TMEM132D: variants seen among roughly 807,000 people sequenced by gnomAD.
TMEM132D encodes transmembrane protein 132D, also known as mature OL transmembrane protein.
A neutral mutation model predicts 62.3 loss-of-function variants in TMEM132D; 21 were observed. That is an observed-to-expected ratio of 0.34 (90% CI 0.24 to 0.49). The LOEUF is 0.49. TMEM132D is among the 20% of genes least tolerant of loss of function. The pLI is 0.99. For synonymous variants in TMEM132D, 621 were observed against 575.6 expected (o/e 1.08, Z -1.13); for missense variants, 1,346 against 1,402.8 (o/e 0.96, Z 0.65).
intron 2 of TMEM132D, among the ~76,000 whole-genome samples, chr12:129,689,730 T>C (rs991407002): frequency 6.6e-6 from 1 of 152,232 alleles, no homozygotes; most frequent in Non-Finnish European, 1.5e-5. Flanking sequence ...TTCTCATTTT[T>C]CTTAAAACTG....
intron 2 of TMEM132D, among the ~76,000 whole-genome samples, chr12:129,556,402 T>A (rs1467756153): frequency 6.6e-6 from 1 of 151,742 alleles, no homozygotes; most frequent in African/African-American, 2.4e-5. Flanking sequence ...TGAGCGCAAA[T>A]CCTAGCATGT....
Position 129,323,016 on chromosome 12 carries a change from G to A in TMEM132D, c.1299+14618C>T, listed in dbSNP as rs576237735. Among the ~76,000 whole-genome samples the A allele has an allele frequency of 1.4e-3, 217 of 152,284 alleles. 1 individual carries two copies. The highest frequency in any genetic ancestry group is 3.1e-3 in the Admixed American group (47 of 15,298). On this transcript the variant is annotated intron_variant, in intron 4 of 8. Transcript: ENST00000422113. ...AAAATTGTCAGGAAAATAGATCTGC[G>A]TGGAACCATACAGTGCAGTTTAAGT...
At chr12:129,265,878 T>TTGGGA (rs559171782) in intron 4 of TMEM132D, among the ~76,000 whole-genome samples, 99 of 152,168 alleles carry the variant, frequency 6.5e-4, no homozygotes, top group African/African-American at 2.3e-3. Context: ...CTCTTCTACT[T>TTGGGA]TGTAGCACAC....
At chr12:129,629,662 C>T (rs902369875) in intron 2 of TMEM132D, among the ~76,000 whole-genome samples, 5 of 138,076 alleles carry the variant, frequency 3.6e-5, no homozygotes, top group African/African-American at 1.4e-4. Flanking sequence ...CAGTTAATGC[C>T]TAATAATAAA....
chr12:129,263,827 G>C (rs1244972055), intron 4 of TMEM132D, among the ~76,000 whole-genome samples: 1 of 152,136 alleles, frequency 6.6e-6, no homozygotes, highest in East Asian at 1.9e-4. Flanking sequence ...AGAATGGAAA[G>C]GAAGTGTCTG....
chr12:129,737,547 C>T (rs536679828), intron 1 of TMEM132D, among the ~76,000 whole-genome samples: 2 of 152,218 alleles, frequency 1.3e-5, no homozygotes, highest in African/African-American at 4.8e-5. Flanking sequence ...CCTCTCATTT[C>T]CTACCGTCCA....
intron 3 of TMEM132D, among the ~76,000 whole-genome samples, chr12:129,505,940 G>A (rs1373924641): frequency 6.6e-6 from 1 of 152,180 alleles, no homozygotes; most frequent in Non-Finnish European, 1.5e-5. Context: ...GTCTCTTGAA[G>A]GCAGCAGATA....
At chr12:129,344,996 G>A (rs1014531079) in intron 3 of TMEM132D, among the ~76,000 whole-genome samples, 1 of 152,082 alleles carries the variant, frequency 6.6e-6, no homozygotes, top group African/African-American at 2.4e-5. Context: ...ATGGAAATCA[G>A]GGGACTCTTC....
chr12:129,074,222 C>A lies in TMEM132D; in HGVS notation c.2953G>T (p.Asp985Tyr), dbSNP rs2135602231. 6.2e-7 allele frequency: 1 copy of A among 1,614,080 alleles called. No individual in the cohort carries two copies. The highest frequency in any genetic ancestry group is 8.5e-7 in the Non-Finnish European group (1 of 1,180,028). The change falls in exon 9 of 9, where the codon GAT becomes TAT. Residue 985 changes from aspartate (D) to tyrosine (Y), a missense_variant. By Grantham distance (160) the Asp-to-Tyr change is radical (BLOSUM62 -3). Coordinates refer to ENST00000422113, the MANE Select transcript of TMEM132D (RefSeq NM_133448.3). Reference protein sequence around the residue: ...ENHINFASSQDEQITAIDRGM... With the variant: ...ENHINFASSQYEQITAIDRGM... ...CTGTCAATGGCAGTGATTTGCTCAT[C>A]TTGCGAGGAGGCAAAGTTGATGTGA...
intron 3 of TMEM132D, among the ~76,000 whole-genome samples, chr12:129,510,846 C>T (rs1875475602): frequency 6.6e-6 from 1 of 152,120 alleles, no homozygotes; most frequent in South Asian, 2.1e-4. Flanking sequence ...TTGTCAAAAA[C>T]GAGTTCACTG....
At chr12:129,301,041 G>A (rs758950398) in intron 4 of TMEM132D, among the ~76,000 whole-genome samples, 13 of 151,964 alleles carry the variant, frequency 8.6e-5, no homozygotes, top group Admixed American at 5.2e-4. Context: ...CTCTAGCCAC[G>A]ACTCCAAATA....
chr12:129,709,670 A>C (rs571589740), intron 1 of TMEM132D, among the ~76,000 whole-genome samples: 2 of 152,302 alleles, frequency 1.3e-5, no homozygotes, highest in East Asian at 3.9e-4. Context: ...CCTTTAATGC[A>C]TGTTTTTTTG....
chr12:129,774,505 T>C (rs1870856874), intron 1 of TMEM132D, among the ~76,000 whole-genome samples: 2 of 152,252 alleles, frequency 1.3e-5, no homozygotes, highest in Non-Finnish European at 2.9e-5. Flanking sequence ...GGGGGGCCCG[T>C]TGCAATCACG....
chr12:129,763,026 G>T lies in TMEM132D; in HGVS notation c.80-62328C>A, dbSNP rs117093680. 6.6e-5 allele frequency among the ~76,000 whole-genome samples: 10 copies of T among 152,240 alleles called. No homozygotes were observed. In the South Asian group the frequency reaches 2.1e-3, roughly 32 times the overall value. Reference sequence around the variant, plus strand: ...TATTTGCATGTAAAAGGAGAAATACGCCTCCTAGTTCTTAAATCAGAGAGT... The same window carrying T: ...TATTTGCATGTAAAAGGAGAAATACTCCTCCTAGTTCTTAAATCAGAGAGT... On this transcript the variant is annotated intron_variant, in intron 1 of 8. Transcript: ENST00000422113.
intron 2 of TMEM132D, among the ~76,000 whole-genome samples, chr12:129,650,323 T>C (rs757367114): frequency 1.3e-5 from 2 of 152,214 alleles, no homozygotes; most frequent in Admixed American, 6.5e-5. Context: ...AGAATACATA[T>C]GGAATGAATA....
At chr12:129,880,035 A>G (rs1379180270) in intron 1 of TMEM132D, among the ~76,000 whole-genome samples, 2 of 152,176 alleles carry the variant, frequency 1.3e-5, no homozygotes, top group African/African-American at 4.8e-5. Flanking sequence ...AATCCCAAGC[A>G]GGATAAATAA....
chr12:129,834,329 T>C (rs1303418261), intron 1 of TMEM132D, among the ~76,000 whole-genome samples: 1 of 151,930 alleles, frequency 6.6e-6, no homozygotes, highest in Non-Finnish European at 1.5e-5. Flanking sequence ...TTATGGACAA[T>C]TAGTCCACCA....
intron 2 of TMEM132D, among the ~76,000 whole-genome samples, chr12:129,613,807 T>TG (rs1878842516): frequency 6.6e-6 from 1 of 151,030 alleles, no homozygotes; most frequent in Non-Finnish European, 1.5e-5. Flanking sequence ...GAGGACTGTC[T>TG]GCAGAACCCA....
At chr12:129,140,839 C>CA (rs62841262) in intron 5 of TMEM132D, among the ~76,000 whole-genome samples, 4,860 of 134,794 alleles carry the variant, frequency 0.036, 99 homozygotes, top group Admixed American at 0.08. Context: ...AACTCTGTCT[C>CA]AAAAAAAAAA....
Sources: gnomAD v4.1 joint callset for allele counts (sites outside exome capture counted in the v4.1 genomes callset) on GRCh38, gnomAD v4.1.1 for gene constraint, MANE v1.5 for transcripts, NCBI Gene and HGNC (gene_info 2026-07-23, HGNC 2026-07-21) for gene names.